The following PRKN variants were observed in gnomAD, a reference collection of about 807,000 sequenced individuals.
PRKN encodes the protein parkin RBR E3 ubiquitin protein ligase.
PRKN carries 56 observed loss-of-function variants against 59.5 expected under a neutral mutation model. The ratio of observed to expected loss-of-function variants is 0.94; its 90% confidence interval spans 0.76 to 1.18. The LOEUF is 1.18. Among genes scored for constraint, PRKN ranks in the 50% most tolerant of loss-of-function variants. PRKN has a pLI of 0.00. For missense variants in PRKN, 657 were observed against 596.4 expected, an observed-to-expected ratio of 1.10 and a Z score of -1.06; for synonymous variants, 250 against 222.1, an observed-to-expected ratio of 1.13 and a Z score of -1.12.
chr6:161,770,748 G>C (rs1323559487), intron 7 of PRKN, among the ~76,000 whole-genome samples: 1 of 152,112 alleles, frequency 6.6e-6, no homozygotes, highest in Non-Finnish European at 1.5e-5. Flanking sequence ...CATTACAGGC[G>C]GGAGTCACTG....
chr6:162,078,169 A>G (rs1415614923), intron 4 of PRKN, among the ~76,000 whole-genome samples: 2 of 151,916 alleles, frequency 1.3e-5, no homozygotes, highest in African/African-American at 2.4e-5. Context: ...GTATGGTATC[A>G]GCCAACAGAT....
rs556313939 is a variant in PRKN, at chr6:161,423,139, G to T, written c.1084-36262C>A. On this transcript the variant is annotated intron_variant, in intron 9 of 11. Transcript: ENST00000366898. This position sits in a 1 kb window ranked among gnomAD's most constrained non-coding sequence, Gnocchi z 5.9. Reference sequence around the variant, plus strand: ...TTAGAGCAGACTTGACAGCTGCACTGGGTGTGAGATATCAGCATCTTTAAT... The same window carrying T: ...TTAGAGCAGACTTGACAGCTGCACTTGGTGTGAGATATCAGCATCTTTAAT... Among the ~76,000 whole-genome samples the T allele has an allele frequency of 2.0e-5, 3 of 152,320 alleles. No individual in the cohort carries two copies. The South Asian group carries it at 6.2e-4, about 32-fold the overall frequency.
chr6:162,630,674 T>A (rs1783078047), intron 1 of PRKN, among the ~76,000 whole-genome samples: 2 of 152,084 alleles, frequency 1.3e-5, no homozygotes, highest in African/African-American at 4.8e-5. Flanking sequence ...CCAGTCAATT[T>A]CATAGAAAAG....
At chr6:161,909,744 A>C (rs1778284552) in intron 6 of PRKN, among the ~76,000 whole-genome samples, 2 of 152,194 alleles carry the variant, frequency 1.3e-5, no homozygotes, top group South Asian at 4.1e-4. Context: ...AGGCCCAAAG[A>C]AGAGATTTCC....
intron 1 of PRKN, among the ~76,000 whole-genome samples, chr6:162,494,646 T>C (rs894589985): frequency 2.6e-5 from 4 of 152,246 alleles, no homozygotes; most frequent in African/African-American, 4.8e-5. Context: ...TAAATGGGGA[T>C]TGTAATTGTG....
chr6:161,894,235 G>A (rs1019706447), intron 6 of PRKN, among the ~76,000 whole-genome samples: 5 of 152,100 alleles, frequency 3.3e-5, no homozygotes, highest in Non-Finnish European at 7.3e-5. Flanking sequence ...TGCCTTCAAT[G>A]ACTTTCCCAT....
chr6:161,695,991 T>C (rs1242157475), intron 7 of PRKN, among the ~76,000 whole-genome samples: 1 of 152,214 alleles, frequency 6.6e-6, no homozygotes, highest in East Asian at 1.9e-4. Flanking sequence ...TGCATTCTCA[T>C]ATCTGCATAG....
At chr6:162,064,240 A>G (rs533907391) in intron 4 of PRKN, among the ~76,000 whole-genome samples, 2 of 152,328 alleles carry the variant, frequency 1.3e-5, no homozygotes, top group East Asian at 3.9e-4. Flanking sequence ...AAAAATCAGA[A>G]GAGGTTATCT....
At chr6:162,397,324 C>A (rs906644047) in intron 2 of PRKN, among the ~76,000 whole-genome samples, 4 of 152,132 alleles carry the variant, frequency 2.6e-5, no homozygotes, top group African/African-American at 9.7e-5. Context: ...ACTTCGAGCA[C>A]CTGGATTAAG....
At chr6:161,796,442 C>T (rs148986989) in intron 6 of PRKN, among the ~76,000 whole-genome samples, 129 of 152,046 alleles carry the variant, frequency 8.5e-4, no homozygotes, top group Non-Finnish European at 1.7e-3. Context: ...GCTTTCTTGC[C>T]GAGGCTTTTA....
chr6:162,338,737 T>TAGGG (rs1783972825), intron 2 of PRKN, among the ~76,000 whole-genome samples: 1 of 151,636 alleles, frequency 6.6e-6, no homozygotes, highest in African/African-American at 2.4e-5. Context: ...GAGGAGCCCC[T>TAGGG]CTGCCCGGCT....
chr6:162,177,042 CA>C (rs1292107985), intron 4 of PRKN, among the ~76,000 whole-genome samples: 1 of 149,304 alleles, frequency 6.7e-6, no homozygotes, highest in East Asian at 2.0e-4. Flanking sequence ...TACTCACACA[CA>C]AAAAAATAAA....
intron 1 of PRKN, among the ~76,000 whole-genome samples, chr6:162,555,136 A>G (rs180864277): frequency 2.6e-5 from 4 of 152,300 alleles, no homozygotes; most frequent in Admixed American, 2.6e-4. Context: ...ATGACTGGCA[A>G]AAGTCAATAA....
chr6:162,268,316 T>G (rs1272525108), intron 2 of PRKN, among the ~76,000 whole-genome samples: 1 of 152,178 alleles, frequency 6.6e-6, no homozygotes, highest in Non-Finnish European at 1.5e-5. Flanking sequence ...ATGGGATTAG[T>G]GCCCTTATAA....
intron 1 of PRKN, among the ~76,000 whole-genome samples, chr6:162,574,760 C>T (rs1420889686): frequency 2.2e-5 from 1 of 46,288 alleles, no homozygotes; most frequent in Non-Finnish European, 4.3e-5. Context: ...GTGAATGATA[C>T]TAAGTTGTTT....
At chr6:162,493,054 T>G (rs1792892640) in intron 1 of PRKN, among the ~76,000 whole-genome samples, 1 of 151,986 alleles carries the variant, frequency 6.6e-6, no homozygotes, top group African/African-American at 2.4e-5. Context: ...ATGGTGCTCA[T>G]GCAGAAGACA....
rs3032927 is a variant in PRKN at position 161,582,413 on chromosome 6, CTATTATTAT to C, written c.872-13006_872-12998del. On this transcript the variant is annotated intron_variant, in intron 7 of 11. Coordinates refer to ENST00000366898, the MANE Select transcript of PRKN (RefSeq NM_004562.3). This position sits in a 1 kb window ranked among gnomAD's most constrained non-coding sequence, Gnocchi z 4.4. ...AACTAGGAAAGACTGCATCTGCAGA[CTATTATTAT>C]TATTATTATTATTATTATTTTTGAG... is the stretch of plus-strand genomic sequence containing the variant. Among the ~76,000 whole-genome samples the C allele has an allele frequency of 4.3e-3, 630 of 146,222 alleles. 3 individuals carry two copies. Among genetic ancestry groups the C allele is most frequent in the Middle Eastern group, 0.029 (8 of 278 alleles).
At chr6:162,005,289 T>C (rs1157306400) in intron 5 of PRKN, among the ~76,000 whole-genome samples, 2 of 152,144 alleles carry the variant, frequency 1.3e-5, no homozygotes, top group Non-Finnish European at 2.9e-5. Context: ...TATAGGACAA[T>C]ATAGAATACC....
intron 4 of PRKN, among the ~76,000 whole-genome samples, chr6:162,086,492 T>C (rs1779251974): frequency 6.6e-6 from 1 of 152,204 alleles, no homozygotes; most frequent in South Asian, 2.1e-4. Context: ...GTTACCATAC[T>C]AGCAGTGTCA....
Sources: gnomAD v4.1 joint callset for allele counts (sites outside exome capture counted in the v4.1 genomes callset) on GRCh38, gnomAD v4.1.1 for gene constraint, Gnocchi (gnomAD v3.1) non-coding constraint, MANE v1.5 for transcripts, NCBI Gene and HGNC (gene_info 2026-07-23, HGNC 2026-07-21) for gene names.